The following OSBPL10 variants were observed in gnomAD, a reference collection of about 807,000 sequenced individuals.
The protein encoded by OSBPL10 is oxysterol-binding protein-related protein 10.
A neutral mutation model predicts 81.7 loss-of-function variants in OSBPL10; 49 were observed. The ratio of observed to expected loss-of-function variants is 0.60; its 90% CI spans 0.48 to 0.76. The LOEUF (loss-of-function observed/expected upper bound fraction) is 0.76. OSBPL10 is among the 30% of genes least tolerant of loss of function. The pLI, the probability that OSBPL10 is intolerant of heterozygous loss-of-function variation, is 0.00. For synonymous variants in OSBPL10, 419 were observed against 383.6 expected, an observed-to-expected ratio of 1.09 and a Z score of -1.08; for missense variants, 923 against 987.8, an observed-to-expected ratio of 0.93 and a Z score of 0.88.
At chr3:31,747,487 T>TAAAAAAAAAAAAAAAAAA in intron 5 of OSBPL10, among the ~76,000 whole-genome samples, 1 of 98,498 alleles carries the variant, frequency 1.0e-5, no homozygotes, top group Non-Finnish European at 2.0e-5. Flanking sequence ...AATCTTCAAA[T>TAAAAAAAAAAAAAAAAAA]AAAAAAAAAA....
chr3:31,976,607 C>T (rs1698700920), intron 1 of OSBPL10, among the ~76,000 whole-genome samples: 1 of 152,084 alleles, frequency 6.6e-6, no homozygotes, highest in South Asian at 2.1e-4. Flanking sequence ...CCTAAGCCAC[C>T]ACCACTGGCT....
intron 7 of OSBPL10, among the ~76,000 whole-genome samples, chr3:31,699,523 G>T (rs13326760): frequency 6.6e-6 from 1 of 152,232 alleles, no homozygotes; most frequent in Admixed American, 6.5e-5. Flanking sequence ...AGACAAGGGT[G>T]CTTCTAGAGG....
chr3:31,953,622 TCTCAAGCTCCTGGG>T (rs1697929858), intron 1 of OSBPL10, among the ~76,000 whole-genome samples: 1 of 151,786 alleles, frequency 6.6e-6, no homozygotes, highest in Admixed American at 6.6e-5. Context: ...CCCAGGCTGA[TCTCAAGCTCCTGGG>T]CTCAAGCAAT....
chr3:31,869,752 A>G (rs1487747558), intron 3 of OSBPL10, among the ~76,000 whole-genome samples: 1 of 152,218 alleles, frequency 6.6e-6, no homozygotes, highest in Non-Finnish European at 1.5e-5. Context: ...TCAGCCTGTC[A>G]TTTAGGTTCA....
At chr3:31,774,858 G>A (rs1559459484) in intron 4 of OSBPL10, among the ~76,000 whole-genome samples, 1 of 150,940 alleles carries the variant, frequency 6.6e-6, no homozygotes, top group Non-Finnish European at 1.5e-5. Context: ...CAAGAAGCCA[G>A]GTCATTACTT....
At chr3:31,930,982 T>C (rs1240457137) in intron 1 of OSBPL10, among the ~76,000 whole-genome samples, 1 of 118,496 alleles carries the variant, frequency 8.4e-6, no homozygotes, top group Non-Finnish European at 1.6e-5. Context: ...CCCACTGCAC[T>C]CCAGCCTGGG....
At chr3:32,027,151 G>C (rs965164220) in intron 2 of OSBPL10, among the ~76,000 whole-genome samples, 4 of 151,856 alleles carry the variant, frequency 2.6e-5, no homozygotes, top group Non-Finnish European at 5.9e-5. Context: ...TCTACATTAG[G>C]TATTTGCCCT....
At chr3:32,070,183 G>A (rs1699817371) in intron 1 of OSBPL10, among the ~76,000 whole-genome samples, 1 of 152,134 alleles carries the variant, frequency 6.6e-6, no homozygotes, top group African/African-American at 2.4e-5. Context: ...TGATATGGGG[G>A]CTACCCACTC....
At position 31,754,381 on chromosome 3, in the gene OSBPL10, A is replaced by G. The variant is rs184200564; in HGVS notation, c.730-6261T>C. ...TAGGGCTAAGAGAGTGACGGTGGCAATAACGGACAAGATGAGCGGAAGGAA... is the reference window on the plus strand; with the variant it reads ...TAGGGCTAAGAGAGTGACGGTGGCAGTAACGGACAAGATGAGCGGAAGGAA... On this transcript the variant is annotated intron_variant, in intron 4 of 11. Coordinates refer to ENST00000396556, the MANE Select transcript of OSBPL10 (RefSeq NM_017784.5). Among the ~76,000 whole-genome samples, 19 of 152,326 alleles carry G rather than the reference A, an allele frequency of 1.2e-4. No individual in the cohort carries two copies. The East Asian group carries it at 2.5e-3, about 20-fold the overall frequency.
At chr3:32,059,242 G>A (rs1699736868) in intron 1 of OSBPL10, among the ~76,000 whole-genome samples, 1 of 152,130 alleles carries the variant, frequency 6.6e-6, no homozygotes, top group African/African-American at 2.4e-5. Flanking sequence ...GTTGCAGTGA[G>A]CCACGATCAT....
intron 1 of OSBPL10, among the ~76,000 whole-genome samples, chr3:31,907,533 A>G (rs1559513262): frequency 6.9e-6 from 1 of 145,540 alleles, no homozygotes; most frequent in Non-Finnish European, 1.5e-5. Flanking sequence ...AAGCTAAGGC[A>G]GGAGAATCAC....
At position 31,849,397 on chromosome 3, in the gene OSBPL10, T is replaced by A. The variant is rs550140931; in HGVS notation, c.538-19166A>T. Among the ~76,000 whole-genome samples the A allele has an allele frequency of 3.3e-5, 5 of 152,310 alleles. No homozygotes were observed. In the South Asian group the frequency reaches 1.0e-3, roughly 32 times the overall value. On this transcript the variant is annotated intron_variant, in intron 3 of 11. Coordinates refer to ENST00000396556, the MANE Select transcript of OSBPL10 (RefSeq NM_017784.5). ...AGTATATCTTCTAGTCCAATCCTCC[T>A]TTTTAGCGAGAAAACTGAAGCCCAG...
intron 1 of OSBPL10, among the ~76,000 whole-genome samples, chr3:31,911,094 C>A (rs1237956372): frequency 3.3e-5 from 5 of 152,186 alleles, no homozygotes; most frequent in African/African-American, 1.2e-4. Flanking sequence ...CATCCTGCTT[C>A]AGACCCTGTT....
At chr3:31,899,341 A>T (rs1368644087) in intron 1 of OSBPL10, among the ~76,000 whole-genome samples, 1 of 152,346 alleles carries the variant, frequency 6.6e-6, no homozygotes, top group Non-Finnish European at 1.5e-5. Flanking sequence ...AGAAAAAAAT[A>T]GAATATAAAC....
chr3:32,003,162 G>A (rs559613458), intron 2 of OSBPL10, among the ~76,000 whole-genome samples: 2 of 152,298 alleles, frequency 1.3e-5, no homozygotes, highest in East Asian at 3.9e-4. Flanking sequence ...GCAAATCAAC[G>A]GAATGTCTAG....
chr3:31,932,787 G>C (rs1697285399), intron 1 of OSBPL10, among the ~76,000 whole-genome samples: 1 of 151,816 alleles, frequency 6.6e-6, no homozygotes, highest in African/African-American at 2.4e-5. Flanking sequence ...TATTTTAATA[G>C]TTGTAACATT....
chr3:31,747,487 T>TAAAAAAAAAAAAAAAAA (rs61150758), intron 5 of OSBPL10, among the ~76,000 whole-genome samples: 2 of 98,486 alleles, frequency 2.0e-5, no homozygotes, highest in Non-Finnish European at 2.0e-5. Context: ...AATCTTCAAA[T>TAAAAAAAAAAAAAAAAA]AAAAAAAAAA....
At chr3:31,916,286 T>C (rs1004792276) in intron 1 of OSBPL10, among the ~76,000 whole-genome samples, 2 of 152,172 alleles carry the variant, frequency 1.3e-5, no homozygotes, top group African/African-American at 4.8e-5. Flanking sequence ...CAGAAATCAA[T>C]GTGCATATTT....
intron 4 of OSBPL10, among the ~76,000 whole-genome samples, chr3:31,800,828 T>C (rs1026856138): frequency 6.6e-6 from 1 of 152,128 alleles, no homozygotes; most frequent in Non-Finnish European, 1.5e-5. Flanking sequence ...AGAAGAAAAA[T>C]GTCATCAGAA....
Sources: gnomAD v4.1 joint callset for allele counts (sites outside exome capture counted in the v4.1 genomes callset) on GRCh38, gnomAD v4.1.1 for gene constraint, MANE v1.5 for transcripts, NCBI Gene and HGNC (gene_info 2026-07-23, HGNC 2026-07-21) for gene names.